Variants in CALD1 observed in about 807,000 individuals in gnomAD.
CALD1 encodes the protein caldesmon 1.
A neutral mutation model predicts 99.9 loss-of-function variants in CALD1; 33 were observed. The observed-to-expected ratio is 0.33, with a 90% CI of 0.25 to 0.44. The LOEUF is 0.44. Among genes scored for constraint, CALD1 ranks in the 20% least tolerant of loss-of-function variants. CALD1 has a pLI of 1.00. For synonymous variants in CALD1, 310 were observed against 325.0 expected, an observed-to-expected ratio of 0.95 and a Z score of 0.50; for missense variants, 861 against 962.1, an observed-to-expected ratio of 0.89 and a Z score of 1.39.
At chr7:134,916,089 G>A (rs1223131512) in intron 3 of CALD1, among the ~76,000 whole-genome samples, 1 of 152,144 alleles carries the variant, frequency 6.6e-6, no homozygotes. Context: ...TCCACTCAAG[G>A]TTTGTCTTTT....
intron 1 of CALD1, among the ~76,000 whole-genome samples, chr7:134,751,199 A>G (rs1796683003): frequency 6.6e-6 from 1 of 152,218 alleles, no homozygotes; most frequent in Admixed American, 6.5e-5. Context: ...TCCATCTGTG[A>G]AATGAAAGTA....
At chr7:134,728,267 G>A in the CALD1 span, among the ~76,000 whole-genome samples, 6 of 152,232 alleles carry the variant, frequency 3.9e-5, no homozygotes, top group South Asian at 2.1e-4. Context: ...AACAATGAAC[G>A]ATTCACGAAT....
chr7:134,936,272 A>C (rs896677302), intron 6 of CALD1, among the ~76,000 whole-genome samples: 1 of 152,220 alleles, frequency 6.6e-6, no homozygotes, highest in Non-Finnish European at 1.5e-5. Context: ...TCAAAAGAAA[A>C]GTTTGGCCAA....
At chr7:134,711,628 TTCTCTC>T in the CALD1 span, among the ~76,000 whole-genome samples, 39 of 64,008 alleles carry the variant, frequency 6.1e-4, no homozygotes, top group Admixed American at 8.1e-4. Context: ...CAACCTCAGC[TTCTCTC>T]TCTCTCTCTC....
intron 2 of CALD1, among the ~76,000 whole-genome samples, chr7:134,861,275 C>G (rs933776051): frequency 2.6e-5 from 4 of 152,116 alleles, no homozygotes; most frequent in Non-Finnish European, 4.4e-5. Flanking sequence ...CACTATTTGC[C>G]AAGGGTTTGT....
the CALD1 span, among the ~76,000 whole-genome samples, chr7:134,734,709 A>C: frequency 6.6e-6 from 1 of 151,978 alleles, no homozygotes; most frequent in Admixed American, 6.6e-5. Flanking sequence ...CCCCTGCACA[A>C]ACTTTCTTGC....
chr7:134,892,112 C>T (rs912114149), intron 3 of CALD1, among the ~76,000 whole-genome samples: 6 of 152,170 alleles, frequency 3.9e-5, no homozygotes, highest in East Asian at 1.9e-4. Context: ...ACAGCCAAAG[C>T]CCTCAATATA....
intron 3 of CALD1, among the ~76,000 whole-genome samples, chr7:134,873,237 T>C (rs932909057): frequency 2.0e-5 from 3 of 151,864 alleles, no homozygotes; most frequent in African/African-American, 7.3e-5. Context: ...AAAAACACTA[T>C]ATTCTGCTTC....
chr7:134,767,031 A>G (rs1796832325), intron 1 of CALD1, among the ~76,000 whole-genome samples: 1 of 152,240 alleles, frequency 6.6e-6, no homozygotes, highest in Non-Finnish European at 1.5e-5. Context: ...GGACATGTTT[A>G]CAGACAGAGA....
chr7:134,746,212 T>A (rs1334644008), intron 1 of CALD1, among the ~76,000 whole-genome samples: 1 of 152,150 alleles, frequency 6.6e-6, no homozygotes, highest in Non-Finnish European at 1.5e-5. Context: ...GGGAGGTGAC[T>A]AAATCATAAG....
chr7:134,737,852 C>G, the CALD1 span, among the ~76,000 whole-genome samples: 1 of 152,148 alleles, frequency 6.6e-6, no homozygotes, highest in African/African-American at 2.4e-5. Flanking sequence ...ATATTATTAG[C>G]CAGGGACCAG....
intron 1 of CALD1, among the ~76,000 whole-genome samples, chr7:134,770,475 T>A (rs1796868121): frequency 6.6e-6 from 1 of 152,114 alleles, no homozygotes; most frequent in Non-Finnish European, 1.5e-5. Context: ...CCCTTCCAGC[T>A]TCTAGGGGTC....
At chr7:134,935,532 T>C (rs1276236653) in intron 5 of CALD1, among the ~76,000 whole-genome samples, 156 bp from the exon 6 acceptor site, 1 of 152,164 alleles carries the variant, frequency 6.6e-6, no homozygotes, top group East Asian at 1.9e-4. Context: ...ATATCCCACC[T>C]TGCTGTTTAG....
In CALD1 at chr7:134,872,008, ATC is replaced by A. The variant is rs557991182; in HGVS notation, c.71+4207_71+4208del. On this transcript the variant is annotated intron_variant, in intron 3 of 14. Coordinates refer to ENST00000361675, the MANE Select transcript of CALD1 (RefSeq NM_033138.4). ...TGTCCTGAGACTCTGTCGTCCACAT[ATC>A]TCCTTCTAAGGGTTTTAGCCCAGTT... 4.3e-4 allele frequency among the ~76,000 whole-genome samples: 66 copies of A among 152,248 alleles called. No individual in the cohort carries two copies. The South Asian group carries it at 0.013, about 30-fold the overall frequency.
chr7:134,832,928 T>C (rs1327517543), intron 1 of CALD1, among the ~76,000 whole-genome samples: 1 of 152,234 alleles, frequency 6.6e-6, no homozygotes, highest in Non-Finnish European at 1.5e-5. Context: ...AAGTAATTTG[T>C]CACAATCACA....
intron 1 of CALD1, among the ~76,000 whole-genome samples, chr7:134,782,398 G>T (rs2131684960): frequency 6.6e-6 from 1 of 152,302 alleles, no homozygotes; most frequent in East Asian, 1.9e-4. Context: ...GATACCATTA[G>T]CTCCTTACTG....
At chr7:134,923,623 A>G (rs1804774547) in intron 3 of CALD1, among the ~76,000 whole-genome samples, 1 of 152,238 alleles carries the variant, frequency 6.6e-6, no homozygotes. Context: ...CATTTCAAAT[A>G]CATTTAAATC....
chr7:134,711,670 A>C, the CALD1 span, among the ~76,000 whole-genome samples: 332 of 80,942 alleles, frequency 4.1e-3, 4 homozygotes, highest in African/African-American at 0.012. Flanking sequence ...CTATATATAT[A>C]TATATATATA....
chr7:134,966,407 T>C (rs1170816022), intron 14 of CALD1, among the ~76,000 whole-genome samples: 1 of 152,216 alleles, frequency 6.6e-6, no homozygotes, highest in Non-Finnish European at 1.5e-5. Flanking sequence ...ATATGAAAAG[T>C]ACCTGCTGGT....
Sources: allele counts gnomAD v4.1 joint callset (sites outside exome capture counted in the v4.1 genomes callset), GRCh38; gene constraint gnomAD v4.1.1; transcripts MANE v1.5; gene names NCBI Gene and HGNC (gene_info 2026-07-23, HGNC 2026-07-21).